SLC18B1: variants seen among roughly 807,000 people sequenced by gnomAD.
SLC18B1 encodes solute carrier family 18 member B1.
Under a neutral mutation model 53.9 loss-of-function variants are expected in SLC18B1, and 62 were observed. The observed-to-expected ratio is 1.15, with a 90% confidence interval of 0.94 to 1.42. The LOEUF (loss-of-function observed/expected upper bound fraction) is 1.42. Among genes scored for constraint, SLC18B1 ranks in the 40% most tolerant of loss-of-function variants. SLC18B1 has a pLI of 0.00. For missense variants in SLC18B1, 598 were observed against 547.3 expected, an observed-to-expected ratio of 1.09 and a Z score of -0.93; for synonymous variants, 217 against 200.9, an observed-to-expected ratio of 1.08 and a Z score of -0.68.
chr6:132,798,631 G>T lies in SLC18B1; in HGVS notation c.-175C>A. 1 of 566,028 alleles carries T rather than the reference G, an allele frequency of 1.8e-6. No homozygotes were observed. The highest frequency in any genetic ancestry group is 2.7e-6 in the Non-Finnish European group (1 of 371,594). 35.1% of individuals were successfully genotyped at this position (566,028 alleles called of 1,614,324 possible). A position where few individuals can be genotyped will look rare whatever the true frequency, so the allele number is the denominator to read the frequency against. ...GCCCGGAGCTCCCCAAAGCCTTCCA[G>T]GACTCTGGGTCCCCGGGAGGAGGCC... On this transcript the variant is annotated 5_prime_UTR_variant, in exon 1 of 14. In the 5' UTR this introduces an upstream ATG that the reference lacks. Coordinates refer to ENST00000275227, the MANE Select transcript of SLC18B1 (RefSeq NM_052831.3).
intron 5 of SLC18B1, among the ~76,000 whole-genome samples, chr6:132,786,546 C>T (rs1411291212): frequency 2.6e-5 from 3 of 117,044 alleles, no homozygotes; most frequent in South Asian, 3.3e-4. Flanking sequence ...GAGACTCCAT[C>T]CCCCACTCCA....
At chr6:132,779,967 T>C (rs1781190731) in intron 6 of SLC18B1, among the ~76,000 whole-genome samples, 1 of 152,094 alleles carries the variant, frequency 6.6e-6, no homozygotes, top group African/African-American at 2.4e-5. Flanking sequence ...GAGAACAGTA[T>C]GGGGGAAATC....
chr6:132,770,406 C>A (rs1769034725), intron 13 of SLC18B1, 70 bp from the exon 14 acceptor site: 9 of 1,314,256 alleles, frequency 6.8e-6, no homozygotes, highest in Non-Finnish European at 9.9e-6. Flanking sequence ...AAACAAAAAA[C>A]CAGTACCTGT....
intron 4 of SLC18B1, 48 bp downstream of exon 4, chr6:132,789,716 A>G (rs1781473970): frequency 1.6e-6 from 2 of 1,271,192 alleles, no homozygotes. Context: ...CAGAAGATAC[A>G]TTACAAAATC....
In SLC18B1 at chr6:132,770,162, G is replaced by T; in HGVS notation, c.*108C>A. 1 of 849,850 alleles carries T rather than the reference G, an allele frequency of 1.2e-6. No individual in the cohort carries two copies. The highest frequency in any genetic ancestry group is 2.0e-6 in the Non-Finnish European group (1 of 510,586). The allele number at this position is 849,850 out of a possible 1,614,324, so 52.6% of individuals were successfully genotyped here. A position where few individuals can be genotyped will look rare whatever the true frequency, so the allele number is the denominator to read the frequency against. On this transcript the variant is annotated 3_prime_UTR_variant, in exon 14 of 14. Transcript: ENST00000275227. ...GTTGACACTTCCAAGACACTGGCAC[G>T]GGGTCCACGGAGTTTTGCGCGTAAA...
In SLC18B1 at chr6:132,796,974, T is replaced by C. The variant is rs2114692603; in HGVS notation, c.183+8A>G. On this transcript the variant is annotated splice_region_variant and intron_variant, in intron 2 of 13. Transcript: ENST00000275227. ...AACAGAGGTCCTAAGGATTTAAAAA[T>C]GTCTTACCTCTTTGGGGAAAAACGG... 6.2e-7 allele frequency: 1 copy of C among 1,609,486 alleles called. No individual in the cohort carries two copies. The highest frequency in any genetic ancestry group is 8.5e-7 in the Non-Finnish European group (1 of 1,178,168).
At chr6:132,794,779 G>A (rs182138934) in intron 2 of SLC18B1, among the ~76,000 whole-genome samples, 39 of 152,260 alleles carry the variant, frequency 2.6e-4, no homozygotes, top group Admixed American at 2.4e-3. Flanking sequence ...CATGGTGGAC[G>A]GATTGCTTGA....
rs1045221174 is a variant in SLC18B1 at position 132,782,632 on chromosome 6, G to A, written c.658+1301C>T. 2.0e-4 allele frequency among the ~76,000 whole-genome samples: 30 copies of A among 151,932 alleles called. 1 individual carries two copies. Among genetic ancestry groups the A allele is most frequent in the African/African-American group, 6.5e-4 (27 of 41,356 alleles). On this transcript the variant is annotated intron_variant, in intron 6 of 13. Coordinates refer to ENST00000275227, the MANE Select transcript of SLC18B1 (RefSeq NM_052831.3). The stretch of plus-strand genomic sequence containing the variant: ...AATGAATGACTCTTAGCCACCTAAT[G>A]CTAAAGCCATATTGTCTATGGGTCT...
chr6:132,776,587 CT>C (rs993111962), intron 7 of SLC18B1, among the ~76,000 whole-genome samples, 158 bp from the exon 8 acceptor site: 1 of 152,158 alleles, frequency 6.6e-6, no homozygotes, highest in African/African-American at 2.4e-5. Context: ...AAATGCGTTA[CT>C]TTTTCTCTCT....
chr6:132,794,267 C>G (rs1428776537), intron 2 of SLC18B1, among the ~76,000 whole-genome samples: 1 of 151,960 alleles, frequency 6.6e-6, no homozygotes, highest in African/African-American at 2.4e-5. Context: ...CCATGCCTGG[C>G]TAATTTTTGT....
At chr6:132,789,151 T>C (rs1781461576) in intron 4 of SLC18B1, among the ~76,000 whole-genome samples, 1 of 152,146 alleles carries the variant, frequency 6.6e-6, no homozygotes, top group Non-Finnish European at 1.5e-5. Flanking sequence ...TTTCTGGAAG[T>C]AGCAATGGGG....
At chr6:132,787,648 T>G in intron 4 of SLC18B1, 67 bp from the exon 5 acceptor site, 1 of 1,378,144 alleles carries the variant, frequency 7.3e-7, no homozygotes, top group East Asian at 2.6e-5. Flanking sequence ...CCTTTTTAAC[T>G]GTACTCACTA....
intron 2 of SLC18B1, among the ~76,000 whole-genome samples, chr6:132,792,291 G>GAAGGAAAGAAGGAAAGAAGGAAA (rs1562271470): frequency 1.5e-5 from 1 of 67,020 alleles, no homozygotes; most frequent in African/African-American, 9.7e-5. Context: ...AAGGAAGAAA[G>GAAGGAAAGAAGGAAAGAAGGAAA]GAAGGAAGGA....
In SLC18B1 at chr6:132,784,011, A is replaced by G. The variant is rs770184107; in HGVS notation, c.580T>C (p.Tyr194His). The G allele has an allele frequency of 1.9e-6, 3 of 1,611,836 alleles. No individual in the cohort carries two copies. Reference protein sequence around the residue: ...VGGFLYQSFGYEVPFIVLGCV... With the variant: ...VGGFLYQSFGHEVPFIVLGCV... The stretch of plus-strand genomic sequence containing the variant: ...CCCAGAACAATAAAAGGCACTTCAT[A>G]GCCAAAGGATTGATACAAAAAGCCA... Residue 194 changes from tyrosine to histidine, a missense_variant, in exon 6 of 14, where the codon TAT becomes CAT. Tyr to His is a moderately conservative substitution (Grantham distance 83). Transcript: ENST00000275227.
chr6:132,782,686 T>C (rs540301763), intron 6 of SLC18B1, among the ~76,000 whole-genome samples: 6 of 152,294 alleles, frequency 3.9e-5, no homozygotes, highest in African/African-American at 1.4e-4. Flanking sequence ...GGGTAGAACT[T>C]ATAAAATAAA....
chr6:132,798,377 T>C (rs1341068123), intron 1 of SLC18B1, 37 bp downstream of exon 1: 7 of 1,508,340 alleles, frequency 4.6e-6, no homozygotes, highest in Non-Finnish European at 6.2e-6. Flanking sequence ...AAGCCGCCGC[T>C]GGTCTCCGGG....
chr6:132,780,190 C>T (rs939558281), intron 6 of SLC18B1, among the ~76,000 whole-genome samples: 3 of 151,956 alleles, frequency 2.0e-5, no homozygotes, highest in African/African-American at 7.3e-5. Context: ...CCTCCAACTC[C>T]TGCGTGCTCA....
intron 4 of SLC18B1, among the ~76,000 whole-genome samples, chr6:132,789,219 A>G (rs1781463240): frequency 6.6e-6 from 1 of 152,134 alleles, no homozygotes; most frequent in Non-Finnish European, 1.5e-5. Context: ...GCCAAGCAGA[A>G]CATTCTTTCC....
intron 1 of SLC18B1, 98 bp downstream of exon 1, chr6:132,798,316 G>T: frequency 2.3e-6 from 3 of 1,287,736 alleles, no homozygotes; most frequent in Non-Finnish European, 3.1e-6. Flanking sequence ...CAATCTCTCG[G>T]AAACAGATCA....
Sources: allele counts gnomAD v4.1 joint callset (sites outside exome capture counted in the v4.1 genomes callset), GRCh38; gene constraint gnomAD v4.1.1; transcripts MANE v1.5; gene names NCBI Gene and HGNC (gene_info 2026-07-23, HGNC 2026-07-21).